Variants in NRG1 observed in about 807,000 individuals in gnomAD.
NRG1 encodes pro-neuregulin-1, membrane-bound isoform.
A neutral mutation model predicts 63.8 loss-of-function variants in NRG1; 18 were observed. The ratio of observed to expected loss-of-function variants is 0.28; its 90% CI spans 0.19 to 0.42. NRG1 has a LOEUF of 0.42. NRG1 is among the 10% of genes least tolerant of loss of function. NRG1 has a pLI of 1.00. For missense variants in NRG1, 762 were observed against 814.7 expected, an observed-to-expected ratio of 0.94 and a Z score of 0.79; for synonymous variants, 302 against 301.3, an observed-to-expected ratio of 1.00 and a Z score of -0.02.
intron 1 of NRG1, among the ~76,000 whole-genome samples, chr8:31,964,163 G>C (rs1169959102): frequency 6.6e-6 from 1 of 152,172 alleles, no homozygotes; most frequent in Non-Finnish European, 1.5e-5. Context: ...GCAGGTCATG[G>C]TGAAGCAGAG....
chr8:31,826,065 T>C (rs79636316), intron 1 of NRG1, among the ~76,000 whole-genome samples: 1,768 of 152,252 alleles, frequency 0.012, 40 homozygotes, highest in African/African-American at 0.041. Flanking sequence ...TATTTTCACC[T>C]AGAAATAGAA....
At chr8:32,147,540 A>G (rs147285836) in intron 1 of NRG1, among the ~76,000 whole-genome samples, 205 of 152,258 alleles carry the variant, frequency 1.3e-3, no homozygotes, top group Admixed American at 3.8e-3. Context: ...GTAAATCCTC[A>G]CCAATAAATC....
At chr8:31,803,790 G>A (rs779217916) in intron 1 of NRG1, among the ~76,000 whole-genome samples, 33 of 152,106 alleles carry the variant, frequency 2.2e-4, no homozygotes, top group Non-Finnish European at 4.1e-4. Flanking sequence ...TCAGTGTATC[G>A]CCTTTCTCTA....
chr8:31,718,280 T>C (rs1812559808), intron 1 of NRG1, among the ~76,000 whole-genome samples: 1 of 152,202 alleles, frequency 6.6e-6, no homozygotes, highest in Non-Finnish European at 1.5e-5. Context: ...ACATCCCCTG[T>C]CTTTCCCTAA....
At chr8:32,556,698 T>C (rs116797734) in intron 1 of NRG1, among the ~76,000 whole-genome samples, 248 of 152,358 alleles carry the variant, frequency 1.6e-3, no homozygotes, top group African/African-American at 5.8e-3. Flanking sequence ...CATCTCATTA[T>C]TAGATGGCCT....
chr8:32,332,238 G>A (rs1802742238), intron 1 of NRG1, among the ~76,000 whole-genome samples: 1 of 152,148 alleles, frequency 6.6e-6, no homozygotes, highest in South Asian at 2.1e-4. Context: ...TGCTGTCTTT[G>A]GCCTTAAAGG....
rs565198839 is a variant in NRG1, at chr8:32,299,232, C to T, written c.38-296596C>T. The stretch of plus-strand genomic sequence containing the variant: ...CAGTATGTTTTCTAGATAAATAGTC[C>T]TTGGAGCCATTGTTTCCCTAAGAAT... On this transcript the variant is annotated intron_variant, in intron 1 of 10. Transcript: ENST00000519301. Among the ~76,000 whole-genome samples the T allele has an allele frequency of 2.6e-5, 4 of 151,896 alleles. No individual in the cohort carries two copies. The South Asian group carries it at 8.3e-4, about 32-fold the overall frequency.
chr8:32,735,003 A>G (rs944721931), intron 6 of NRG1, among the ~76,000 whole-genome samples: 5 of 152,184 alleles, frequency 3.3e-5, no homozygotes, highest in Admixed American at 3.3e-4. Flanking sequence ...TGAATTATAA[A>G]TCACAGGTTT....
chr8:31,801,201 C>A (rs1189201389), intron 1 of NRG1, among the ~76,000 whole-genome samples: 1 of 152,036 alleles, frequency 6.6e-6, no homozygotes, highest in Non-Finnish European at 1.5e-5. Context: ...AGATTGGAAT[C>A]ATACTGTGCA....
intron 5 of NRG1, among the ~76,000 whole-genome samples, chr8:32,702,520 C>G (rs762385339): frequency 4.6e-5 from 7 of 152,168 alleles, no homozygotes; most frequent in Non-Finnish European, 1.0e-4. Flanking sequence ...GGAGTCTCGC[C>G]TTGTGGCCCA....
chr8:32,344,384 C>CTTTCTTTCTCTTTCTTTCTT (rs1804536480), intron 1 of NRG1, among the ~76,000 whole-genome samples: 1 of 69,472 alleles, frequency 1.4e-5, no homozygotes, highest in Admixed American at 1.6e-4. Context: ...CTTTCTTTCT[C>CTTTCTTTCTCTTTCTTTCTT]TTTCTTTCTT....
At position 31,913,654 on chromosome 8, in the gene NRG1, G is replaced by A. The variant is rs1038603597; in HGVS notation, c.37+274223G>A. Among the ~76,000 whole-genome samples, 3 of 152,096 alleles carry A rather than the reference G, an allele frequency of 2.0e-5. 1 individual carries two copies. The highest frequency in any genetic ancestry group is 1.3e-4 in the Admixed American group (2 of 15,262). On this transcript the variant is annotated intron_variant, in intron 1 of 10. Coordinates refer to the NRG1 transcript ENST00000519301. ...CAATTATAATAAAAAATGCTACACA[G>A]ACAGACAGGAATATATTCAAGTCAC...
intron 1 of NRG1, among the ~76,000 whole-genome samples, chr8:32,236,968 C>T (rs781201114): frequency 2.0e-5 from 3 of 152,048 alleles, no homozygotes; most frequent in African/African-American, 4.8e-5. Context: ...AGATGTACCG[C>T]GAACCCAACA....
At chr8:31,706,344 C>G (rs1271518402) in intron 1 of NRG1, among the ~76,000 whole-genome samples, 5 of 152,030 alleles carry the variant, frequency 3.3e-5, no homozygotes, top group Non-Finnish European at 7.4e-5. Context: ...TCTTGCTTAA[C>G]ATAATATAGA....
chr8:31,747,677 C>T (rs1563355513), intron 1 of NRG1, among the ~76,000 whole-genome samples: 1 of 151,896 alleles, frequency 6.6e-6, no homozygotes, highest in Admixed American at 6.6e-5. Context: ...GTGACCTTGG[C>T]CATGTTAGTT....
intron 7 of NRG1, among the ~76,000 whole-genome samples, chr8:32,747,852 T>G (rs1384757763): frequency 1.3e-5 from 2 of 151,600 alleles, no homozygotes; most frequent in Admixed American, 1.3e-4. Context: ...TTCTGGCTAG[T>G]TAACGAGAAT....
intron 1 of NRG1, among the ~76,000 whole-genome samples, chr8:31,967,091 G>A (rs1806473535): frequency 6.6e-6 from 1 of 152,050 alleles, no homozygotes; most frequent in African/African-American, 2.4e-5. Flanking sequence ...GAGGAGCCCT[G>A]GGAGTGTATT....
intron 1 of NRG1, among the ~76,000 whole-genome samples, chr8:32,533,338 T>C (rs1831643910): frequency 1.3e-5 from 2 of 152,084 alleles, no homozygotes; most frequent in African/African-American, 4.8e-5. Flanking sequence ...GAAATTCAAG[T>C]ACAATAAAAT....
At chr8:32,355,986 A>G (rs967987364) in intron 1 of NRG1, among the ~76,000 whole-genome samples, 1 of 152,128 alleles carries the variant, frequency 6.6e-6, no homozygotes, top group African/African-American at 2.4e-5. Flanking sequence ...CGTGTGTATA[A>G]CAGTGAGGAG....
Sources: gnomAD v4.1 joint callset for allele counts (sites outside exome capture counted in the v4.1 genomes callset) on GRCh38, gnomAD v4.1.1 for gene constraint, MANE v1.5 for transcripts, NCBI Gene and HGNC (gene_info 2026-07-23, HGNC 2026-07-21) for gene names.